CCDC7: variants seen among roughly 807,000 people sequenced by gnomAD.
CCDC7 encodes the protein coiled-coil domain-containing protein 7.
Under a neutral mutation model 196.9 loss-of-function variants are expected in CCDC7, and 183 were observed. That is an observed-to-expected ratio of 0.93 (90% CI 0.82 to 1.05). CCDC7 has a LOEUF of 1.05. Among genes scored for constraint, CCDC7 ranks in the 50% least tolerant of loss-of-function variants. The probability of loss-of-function intolerance (pLI) is 0.00; values close to 1 mark genes in which losing one functional copy is unlikely to be tolerated. For missense variants in CCDC7, 1,540 were observed against 1,482.2 expected (o/e 1.04, Z -0.64); for synonymous variants, 525 against 484.6 (o/e 1.08, Z -1.10).
chr10:32,653,278 G>GTGAGCAC (rs1183469817), intron 20 of CCDC7, among the ~76,000 whole-genome samples: 1 of 152,116 alleles, frequency 6.6e-6, no homozygotes, highest in Non-Finnish European at 1.5e-5. Context: ...TGCTCCCTAT[G>GTGAGCAC]TGAGCACTGG....
At chr10:32,718,613 T>G (rs2081967236) in intron 25 of CCDC7, among the ~76,000 whole-genome samples, 1 of 152,148 alleles carries the variant, frequency 6.6e-6, no homozygotes, top group South Asian at 2.1e-4. Flanking sequence ...TAATTGCACA[T>G]TTAGAAAACC....
At chr10:32,549,416 A>G (rs1215565535) in intron 13 of CCDC7, among the ~76,000 whole-genome samples, 1 of 152,042 alleles carries the variant, frequency 6.6e-6, no homozygotes, top group Non-Finnish European at 1.5e-5. Flanking sequence ...TTTTTAGTTT[A>G]ATTAGGTCCC....
intron 41 of CCDC7, among the ~76,000 whole-genome samples, chr10:32,874,062 G>A (rs1324572737): frequency 6.6e-6 from 1 of 151,112 alleles, no homozygotes; most frequent in Non-Finnish European, 1.5e-5. Flanking sequence ...AAAGTAACTA[G>A]TCTCAAGCAT....
intron 41 of CCDC7, among the ~76,000 whole-genome samples, chr10:32,873,404 C>T (rs1301888207): frequency 6.6e-6 from 1 of 151,930 alleles, no homozygotes; most frequent in Admixed American, 6.6e-5. Flanking sequence ...TTAAGGACTT[C>T]TCTGCATTGG....
At chr10:32,727,987 A>G (rs1225162634) in intron 26 of CCDC7, among the ~76,000 whole-genome samples, 1 of 152,174 alleles carries the variant, frequency 6.6e-6, no homozygotes, top group African/African-American at 2.4e-5. Context: ...TGGTCCAAAC[A>G]TGATTTTAGT....
At chr10:32,448,602 T>C (rs2032098557), upstream of CCDC7, among the ~76,000 whole-genome samples, 2 of 152,068 alleles carry the variant, frequency 1.3e-5, no homozygotes, top group African/African-American at 4.8e-5. Flanking sequence ...CTATTTGGTA[T>C]TGATATTTAT....
At chr10:32,534,583 T>G (rs573521727) in intron 11 of CCDC7, among the ~76,000 whole-genome samples, 3 of 152,234 alleles carry the variant, frequency 2.0e-5, no homozygotes, top group South Asian at 2.1e-4. Flanking sequence ...GCTGCTTTTT[T>G]GGGGGTGCTC....
intron 8 of CCDC7, among the ~76,000 whole-genome samples, chr10:32,487,526 G>A (rs1408609845): frequency 1.3e-5 from 2 of 152,234 alleles, no homozygotes; most frequent in African/African-American, 2.4e-5. Context: ...CATTGCTGGT[G>A]AGGAGCTGCG....
At chr10:32,729,227 A>G in intron 27 of CCDC7, 105 bp from the exon 29 acceptor site, 1 of 1,189,570 alleles carries the variant, frequency 8.4e-7, no homozygotes, top group South Asian at 1.5e-5. Flanking sequence ...CATGCTCATG[A>G]AAACTATTCA....
intron 24 of CCDC7, among the ~76,000 whole-genome samples, chr10:32,702,174 T>G (rs2078866785): frequency 6.6e-6 from 1 of 152,226 alleles, no homozygotes; most frequent in Admixed American, 6.5e-5. Flanking sequence ...TAAATTTCCC[T>G]CTACACACTG....
intron 24 of CCDC7, among the ~76,000 whole-genome samples, chr10:32,705,440 A>C (rs2079551731): frequency 6.6e-6 from 1 of 152,106 alleles, no homozygotes. Context: ...CTAACATCAA[A>C]ATGACAGGAT....
intron 24 of CCDC7, among the ~76,000 whole-genome samples, chr10:32,706,270 A>G (rs905993976): frequency 6.6e-6 from 1 of 152,116 alleles, no homozygotes; most frequent in Non-Finnish European, 1.5e-5. Context: ...TTTGAAACCA[A>G]TGAGAACAAA....
intron 3 of CCDC7, among the ~76,000 whole-genome samples, chr10:32,460,954 G>A (rs2035499924): frequency 1.3e-5 from 2 of 152,082 alleles, no homozygotes. Context: ...AGTTAGTGTT[G>A]CGGAAGATAA....
chr10:32,680,521 G>C (rs903594189), intron 21 of CCDC7, among the ~76,000 whole-genome samples: 1 of 151,822 alleles, frequency 6.6e-6, no homozygotes, highest in African/African-American at 2.4e-5. Context: ...ATGTTGGTTT[G>C]CTGCTCCCAT....
intron 18 of CCDC7, among the ~76,000 whole-genome samples, chr10:32,609,198 C>T (rs564185829): frequency 6.6e-6 from 1 of 152,220 alleles, no homozygotes; most frequent in African/African-American, 2.4e-5. Flanking sequence ...CTGTCCAATG[C>T]TGCTGTGTTG....
In CCDC7 at chr10:32,852,267, A is replaced by G. The variant is rs907474143; in HGVS notation, c.4021+335A>G. Among the ~76,000 whole-genome samples, 4 of 152,142 alleles carry G rather than the reference A, an allele frequency of 2.6e-5. No homozygotes were observed. The South Asian group carries it at 8.3e-4, about 32-fold the overall frequency. ...TATTTATGTATCCCTCTTTTATGCA[A>G]CCCCAGGGAGAGCATACAATAGAAA... On this transcript the variant is annotated intron_variant, in intron 40 of 41. Coordinates refer to ENST00000639629, the Ensembl canonical transcript of CCDC7.
chr10:32,678,885 C>T (rs777948045), intron 21 of CCDC7, among the ~76,000 whole-genome samples: 1 of 152,144 alleles, frequency 6.6e-6, no homozygotes, highest in Non-Finnish European at 1.5e-5. Context: ...CCAGAGGTCT[C>T]ATAAAGGTAA....
At chr10:32,846,583 T>C (rs1039011471) in intron 37 of CCDC7, 124 bp downstream of exon 38, 3 of 567,996 alleles carry the variant, frequency 5.3e-6, no homozygotes, top group Non-Finnish European at 9.5e-6. Flanking sequence ...AAATTCATCA[T>C]GAATATCCTT....
chr10:32,632,053 GTT>G (rs1199906452), intron 18 of CCDC7, among the ~76,000 whole-genome samples: 1 of 144,122 alleles, frequency 6.9e-6, no homozygotes, highest in African/African-American at 2.6e-5. Context: ...GTGTATAGGT[GTT>G]TCTTAAATTT....
Sources: gnomAD v4.1 joint callset for allele counts (sites outside exome capture counted in the v4.1 genomes callset) on GRCh38, gnomAD v4.1.1 for gene constraint, MANE v1.5 for transcripts, NCBI Gene and HGNC (gene_info 2026-07-23, HGNC 2026-07-21) for gene names.